Variants in CUL2 observed in about 807,000 individuals in gnomAD.
CUL2 encodes cullin 2, also known as cullin-2.
In CUL2, 22 loss-of-function variants were observed where a neutral mutation model predicts 110.2. The observed-to-expected ratio is 0.20, with a 90% CI of 0.14 to 0.28. CUL2 has a LOEUF of 0.28. Among genes scored for constraint, CUL2 ranks in the 10% least tolerant of loss-of-function variants. The pLI, the probability that CUL2 is intolerant of heterozygous loss-of-function variation, is 1.00. For missense variants in CUL2, 631 were observed against 905.5 expected (o/e 0.70, Z 3.89); for synonymous variants, 279 against 293.2 (o/e 0.95, Z 0.49).
chr10:35,021,353 T>C (rs1205725726), intron 17 of CUL2, among the ~76,000 whole-genome samples: 1 of 150,430 alleles, frequency 6.6e-6, no homozygotes, highest in Non-Finnish European at 1.5e-5. Context: ...GCCACCCGGG[T>C]TCATGCCATT....
intron 10 of CUL2, among the ~76,000 whole-genome samples, chr10:35,034,215 G>C (rs2085558377): frequency 1.3e-5 from 2 of 152,138 alleles, no homozygotes; most frequent in Admixed American, 1.3e-4. Context: ...AAAATTCGAT[G>C]CTTCTATGCC....
At chr10:35,095,467 A>C (rs1269954537), upstream of CUL2, among the ~76,000 whole-genome samples, 1 of 152,226 alleles carries the variant, frequency 6.6e-6, no homozygotes, top group Non-Finnish European at 1.5e-5. Flanking sequence ...TATACGTATC[A>C]GAACATATAA....
At chr10:35,033,354 G>A (rs1460999531) in intron 10 of CUL2, 81 bp from the exon 11 acceptor site, 44 of 942,868 alleles carry the variant, frequency 4.7e-5, no homozygotes, top group Non-Finnish European at 5.1e-5. Flanking sequence ...AGACTTATTA[G>A]TAAATTTTTC....
intron 6 of CUL2, among the ~76,000 whole-genome samples, chr10:35,046,470 C>T (rs755749802): frequency 2.0e-5 from 3 of 152,282 alleles, no homozygotes; most frequent in African/African-American, 7.2e-5. Context: ...ACCTAATATA[C>T]GCCACTAGGA....
chr10:35,073,579 T>C (rs917884242), intron 1 of CUL2, among the ~76,000 whole-genome samples: 7 of 151,864 alleles, frequency 4.6e-5, no homozygotes, highest in African/African-American at 1.7e-4. Context: ...CATTTTCTTT[T>C]CTTTTCTTTT....
chr10:35,079,670 T>G (rs1485778729), intron 1 of CUL2: 2 of 154,756 alleles, frequency 1.3e-5, no homozygotes, highest in Admixed American at 6.5e-5. Flanking sequence ...GAAATTCTTA[T>G]TAGACCTGCT....
chr10:35,083,526 T>C (rs1192513320), intron 1 of CUL2, among the ~76,000 whole-genome samples: 4 of 152,178 alleles, frequency 2.6e-5, no homozygotes, highest in African/African-American at 9.7e-5. Context: ...GGAAAAGTGA[T>C]TGATTCCAGG....
chr10:35,015,027 G>A (rs545631712), intron 18 of CUL2, among the ~76,000 whole-genome samples: 87 of 152,112 alleles, frequency 5.7e-4, no homozygotes, highest in Admixed American at 1.1e-3. Flanking sequence ...AGTGGCTCAC[G>A]CCTGTAATCC....
upstream of CUL2, among the ~76,000 whole-genome samples, chr10:35,095,217 AGGAGGCTGAG>A (rs1406710234): frequency 6.6e-6 from 1 of 151,724 alleles, no homozygotes; most frequent in African/African-American, 2.4e-5. Context: ...CCAGCTACTC[AGGAGGCTGAG>A]GCAGGAGAAT....
At chr10:35,046,964 C>A (rs2134822634) in intron 6 of CUL2, among the ~76,000 whole-genome samples, 1 of 152,096 alleles carries the variant, frequency 6.6e-6, no homozygotes, top group East Asian at 1.9e-4. Context: ...AGGAAAGAAA[C>A]AAACAGTTAT....
At chr10:35,078,235 A>G (rs1339009239) in intron 1 of CUL2, among the ~76,000 whole-genome samples, 1 of 152,174 alleles carries the variant, frequency 6.6e-6, no homozygotes, top group Non-Finnish European at 1.5e-5. Context: ...TCCACCCCTA[A>G]AAAACTTAAA....
chr10:35,125,932 C>T (rs777870654), intron 1 of CUL2, among the ~76,000 whole-genome samples: 8 of 152,226 alleles, frequency 5.3e-5, no homozygotes, highest in African/African-American at 1.4e-4. Context: ...CAGGTTCAAG[C>T]GATTCTCCTG....
chr10:35,054,583 G>C, intron 4 of CUL2, 44 bp from the exon 5 acceptor site: 1 of 1,090,580 alleles, frequency 9.2e-7, no homozygotes, highest in Non-Finnish European at 1.3e-6. Flanking sequence ...GTTAAAGTCA[G>C]TAGGAAAGCA....
At chr10:35,014,871 C>A (rs1253954279) in intron 18 of CUL2, among the ~76,000 whole-genome samples, 1 of 152,032 alleles carries the variant, frequency 6.6e-6, no homozygotes, top group Non-Finnish European at 1.5e-5. Context: ...AAAGTGCAAA[C>A]AAGGAATCTA....
chr10:35,023,276 G>C (rs1472851589), intron 17 of CUL2, among the ~76,000 whole-genome samples: 1 of 152,032 alleles, frequency 6.6e-6, no homozygotes, highest in Non-Finnish European at 1.5e-5. Flanking sequence ...TCTAACTCCT[G>C]GTTTCACTGA....
rs1013640051 is a variant in CUL2, at chr10:35,038,111, T to C, written c.877+809A>G. Reference sequence around the variant, plus strand: ...GTTGCAATGAGCCAAGATCATGCCATTGCACTCCAGCCTGGGCGACGGAGC... The same window carrying C: ...GTTGCAATGAGCCAAGATCATGCCACTGCACTCCAGCCTGGGCGACGGAGC... On this transcript the variant is annotated intron_variant, in intron 9 of 20. Transcript: ENST00000374749. Among the ~76,000 whole-genome samples, 4 of 151,456 alleles carry C rather than the reference T, an allele frequency of 2.6e-5. No homozygotes were observed. In the East Asian group the frequency reaches 7.8e-4, roughly 30 times the overall value.
At chr10:35,089,175 CAA>C (rs2087136969) in intron 1 of CUL2, among the ~76,000 whole-genome samples, 1 of 152,010 alleles carries the variant, frequency 6.6e-6, no homozygotes, top group Admixed American at 6.6e-5. Flanking sequence ...AACTCCATCT[CAA>C]AACAAAAAAA....
chr10:35,023,985 C>T (rs764764876), intron 17 of CUL2, among the ~76,000 whole-genome samples: 1 of 152,102 alleles, frequency 6.6e-6, no homozygotes, highest in Non-Finnish European at 1.5e-5. Flanking sequence ...CAGGTGTGCT[C>T]CACCACGCCT....
intron 1 of CUL2, among the ~76,000 whole-genome samples, chr10:35,080,363 T>A (rs1038179780): frequency 1.3e-5 from 2 of 152,204 alleles, no homozygotes; most frequent in African/African-American, 4.8e-5. Context: ...CACTAAGGTT[T>A]GACCCACAGA....
Sources: allele counts gnomAD v4.1 joint callset (sites outside exome capture counted in the v4.1 genomes callset), GRCh38; gene constraint gnomAD v4.1.1; transcripts MANE v1.5; gene names NCBI Gene and HGNC (gene_info 2026-07-23, HGNC 2026-07-21).